Variants in ERBB4 observed in about 807,000 individuals in gnomAD.
The protein encoded by ERBB4 is receptor tyrosine-protein kinase erbB-4.
ERBB4 carries 42 observed loss-of-function variants against 158.0 expected under a neutral mutation model. The ratio of observed to expected loss-of-function variants is 0.27; its 90% CI spans 0.21 to 0.34. ERBB4 has a LOEUF of 0.34. ERBB4 is among the 10% of genes least tolerant of loss of function. The probability of loss-of-function intolerance (pLI) is 1.00; values close to 1 mark genes in which losing one functional copy is unlikely to be tolerated. For missense variants in ERBB4, 1,333 were observed against 1,624.1 expected (o/e 0.82, Z 3.08); for synonymous variants, 583 against 558.7 (o/e 1.04, Z -0.61).
chr2:212,308,784 G>A (rs1438698330), intron 1 of ERBB4, among the ~76,000 whole-genome samples: 1 of 150,860 alleles, frequency 6.6e-6, no homozygotes, highest in Non-Finnish European at 1.5e-5. Context: ...ATATTCAATA[G>A]GCTTAACATT....
In ERBB4 at chr2:211,673,169, C is replaced by T; in HGVS notation, c.1711G>A (p.Gly571Arg). Reference sequence around the variant, plus strand: ...ACAGATGTCTTCAGGCTTACCGGTCCATGGCATGTGAGGAGGCCATCTTCC... The same window carrying T: ...ACAGATGTCTTCAGGCTTACCGGTCTATGGCATGTGAGGAGGCCATCTTCC... ...KMEDGLLTCH[G>R]PGPDNCTKCS... Residue 571 changes from glycine (G) to arginine (R), a missense_variant, in exon 14 of 28, where the codon GGA becomes AGA. Gly to Arg is a moderately radical substitution (Grantham distance 125). Transcript: ENST00000342788. 1 of 1,609,374 alleles carries T rather than the reference C, an allele frequency of 6.2e-7. No individual in the cohort carries two copies. The highest frequency in any genetic ancestry group is 8.5e-7 in the Non-Finnish European group (1 of 1,175,780).
At chr2:211,742,560 G>A (rs963972381) in intron 5 of ERBB4, among the ~76,000 whole-genome samples, 4 of 150,772 alleles carry the variant, frequency 2.7e-5, no homozygotes, top group African/African-American at 9.8e-5. Context: ...TTTTTCTTAA[G>A]AATAAATAAA....
chr2:212,013,036 T>C (rs919562377), intron 2 of ERBB4, among the ~76,000 whole-genome samples: 1 of 150,748 alleles, frequency 6.6e-6, no homozygotes, highest in African/African-American at 2.4e-5. Flanking sequence ...TGAGACACCA[T>C]GCCCAGCCAA....
intron 1 of ERBB4, among the ~76,000 whole-genome samples, chr2:212,407,496 G>A (rs1262943760): frequency 6.6e-6 from 1 of 152,024 alleles, no homozygotes; most frequent in South Asian, 2.1e-4. Flanking sequence ...GCCAGGGTTT[G>A]ATCCCAAGCA....
At position 211,380,979 on chromosome 2, in the gene ERBB4, G is replaced by C. The variant is rs73083842; in HGVS notation, c.*2636C>G. 0.01 allele frequency: 2,361 copies of C among 232,260 alleles called. 58 individuals carry two copies. The highest frequency in any genetic ancestry group is 0.049 in the African/African-American group (2,216 of 45,328). The allele number at this position is 232,260 out of a possible 1,614,324, so 14.4% of individuals were successfully genotyped here. ...AAAATCAAGGTATAGTATCCAAAAA[G>C]AGGGCTGTGATGACTCGATGCAGAT... is the stretch of plus-strand genomic sequence containing the variant. On this transcript the variant is annotated 3_prime_UTR_variant, in exon 28 of 28. Coordinates refer to ENST00000342788, the MANE Select transcript of ERBB4 (RefSeq NM_005235.3).
intron 4 of ERBB4, among the ~76,000 whole-genome samples, chr2:211,772,850 T>TACAC (rs1373288592): frequency 1.2e-4 from 8 of 67,508 alleles, no homozygotes; most frequent in Middle Eastern, 0.015. Context: ...TATATATATA[T>TACAC]ATATATATAT....
intron 2 of ERBB4, among the ~76,000 whole-genome samples, chr2:211,959,699 T>C (rs1224775924): frequency 1.3e-5 from 2 of 152,234 alleles, no homozygotes; most frequent in South Asian, 4.1e-4. Context: ...GTATAAAATA[T>C]ATTGATTTTA....
chr2:211,911,204 T>G (rs952452662), intron 3 of ERBB4, among the ~76,000 whole-genome samples: 1 of 152,206 alleles, frequency 6.6e-6, no homozygotes, highest in Non-Finnish European at 1.5e-5. Flanking sequence ...CCCGACAGTC[T>G]TTTTTAAAAG....
intron 3 of ERBB4, among the ~76,000 whole-genome samples, chr2:211,799,305 T>G (rs2076448073): frequency 6.6e-6 from 1 of 152,224 alleles, no homozygotes; most frequent in African/African-American, 2.4e-5. Flanking sequence ...GCCTCCATTA[T>G]AGCTCTGTAA....
chr2:212,159,100 T>A (rs2081126160), intron 1 of ERBB4, among the ~76,000 whole-genome samples: 1 of 151,954 alleles, frequency 6.6e-6, no homozygotes, highest in African/African-American at 2.4e-5. Context: ...CTTGGAAAGT[T>A]TACGAAAGAG....
chr2:212,258,152 T>C (rs2084807333), intron 1 of ERBB4, among the ~76,000 whole-genome samples: 1 of 152,152 alleles, frequency 6.6e-6, no homozygotes, highest in Non-Finnish European at 1.5e-5. Flanking sequence ...CTATTTTTAG[T>C]AAAAATTAGA....
At chr2:211,624,520 A>T (rs1484674947) in intron 17 of ERBB4, among the ~76,000 whole-genome samples, 1 of 152,130 alleles carries the variant, frequency 6.6e-6, no homozygotes, top group Non-Finnish European at 1.5e-5. Context: ...GCAAGTCTGG[A>T]GTAGGCCTGA....
intron 3 of ERBB4, among the ~76,000 whole-genome samples, chr2:211,886,042 A>T (rs1283023837): frequency 6.6e-6 from 1 of 152,200 alleles, no homozygotes; most frequent in East Asian, 1.9e-4. Context: ...AGAGAGAAAG[A>T]GGTAAAAAAA....
intron 1 of ERBB4, among the ~76,000 whole-genome samples, chr2:212,436,348 A>C (rs2092136825): frequency 6.6e-6 from 1 of 152,070 alleles, no homozygotes; most frequent in South Asian, 2.1e-4. Flanking sequence ...CAAAAAATTT[A>C]GAAAGGCACA....
intron 1 of ERBB4, among the ~76,000 whole-genome samples, chr2:212,169,413 G>A (rs186931615): frequency 1.1e-3 from 162 of 152,152 alleles, no homozygotes; most frequent in Admixed American, 2.4e-3. Flanking sequence ...AATGGGGGAA[G>A]GATTCTCTAT....
In ERBB4 at chr2:211,704,837, GCATAAAAGCTAAAAAGACAC is replaced by G. The variant is rs1440071809; in HGVS notation, c.1198+461_1198+480del. ...GTAATTCCATGGGCTTTCAAAATGT[GCATAAAAGCTAAAAAGACAC>G]CATCTTTAAAAATAACATGAGTTTT... On this transcript the variant is annotated intron_variant, in intron 10 of 27. Transcript: ENST00000342788. Among the ~76,000 whole-genome samples, 7 of 152,266 alleles carry G rather than the reference GCATAAAAGCTAAAAAGACAC, an allele frequency of 4.6e-5. 1 individual carries two copies. The South Asian group carries it at 6.2e-4, about 14-fold the overall frequency.
intron 1 of ERBB4, among the ~76,000 whole-genome samples, chr2:212,468,843 A>T (rs182084391): frequency 3.3e-5 from 5 of 152,352 alleles, no homozygotes; most frequent in Admixed American, 6.5e-5. Context: ...AACCATTTGA[A>T]CAGGACAGGA....
chr2:211,548,433 GA>G (rs1179808753), intron 20 of ERBB4, among the ~76,000 whole-genome samples: 5 of 151,402 alleles, frequency 3.3e-5, no homozygotes, highest in African/African-American at 1.2e-4. Flanking sequence ...ATTCTATAGA[GA>G]AAAAATTCAT....
At chr2:211,424,425 A>C in intron 22 of ERBB4, 124 bp from the exon 23 acceptor site, 1 of 674,122 alleles carries the variant, frequency 1.5e-6, no homozygotes, top group East Asian at 2.7e-5. Flanking sequence ...ATTAAAAAAA[A>C]AAAAGCTCCA....
Sources: gnomAD v4.1 joint callset for allele counts (sites outside exome capture counted in the v4.1 genomes callset) on GRCh38, gnomAD v4.1.1 for gene constraint, MANE v1.5 for transcripts, NCBI Gene and HGNC (gene_info 2026-07-23, HGNC 2026-07-21) for gene names.